CLK4: variants seen among roughly 807,000 people sequenced by gnomAD.
CLK4 encodes the protein CDC like kinase 4, also known as dual specificity protein kinase CLK4.
CLK4 carries 37 observed loss-of-function variants against 64.4 expected under a neutral mutation model. That is an observed-to-expected ratio of 0.57 (90% CI 0.44 to 0.76). CLK4 has a LOEUF of 0.76. CLK4 is among the 30% of genes least tolerant of loss of function. The pLI is 0.00. For synonymous variants in CLK4, 175 were observed against 191.6 expected (o/e 0.91, Z 0.72); for missense variants, 457 against 605.1 (o/e 0.76, Z 2.57).
intron 9 of CLK4, among the ~76,000 whole-genome samples, chr5:178,610,117 C>T (rs370978051): frequency 6.6e-6 from 1 of 151,212 alleles, no homozygotes; most frequent in East Asian, 2.0e-4. Context: ...GGTGAAACCC[C>T]ATCTCTACTA....
At chr5:178,608,318 TA>T in intron 10 of CLK4, 57 bp downstream of exon 10, 1 of 1,243,950 alleles carries the variant, frequency 8.0e-7, no homozygotes, top group Non-Finnish European at 1.1e-6. Flanking sequence ...AACTTTAGCA[TA>T]CCTTTAACGT....
At position 178,603,080 on chromosome 5, in the gene CLK4, T is replaced by A. The variant is rs969056029; in HGVS notation, c.*537A>T. ...TGAATGTCTGGTTATCACCCTGACA[T>A]CACCCAATGAAAAAGAATACAACAC... On this transcript the variant is annotated 3_prime_UTR_variant, in exon 13 of 13. Coordinates refer to ENST00000316308, the MANE Select transcript of CLK4 (RefSeq NM_020666.3). 1 of 152,562 alleles carries A rather than the reference T, an allele frequency of 6.6e-6. No individual in the cohort carries two copies. Among genetic ancestry groups the A allele is most frequent in the Non-Finnish European group, 1.5e-5 (1 of 68,032 alleles). 9.5% of individuals were successfully genotyped at this position (152,562 alleles called of 1,614,324 possible). A position where few individuals can be genotyped will look rare whatever the true frequency, so the allele number is the denominator to read the frequency against.
intron 5 of CLK4, among the ~76,000 whole-genome samples, chr5:178,614,143 G>C (rs1764595026): frequency 6.6e-6 from 1 of 152,144 alleles, no homozygotes; most frequent in African/African-American, 2.4e-5. Context: ...ACCAAAAATA[G>C]GATATGCTAC....
chr5:178,625,497 A>G (rs1048780233), intron 1 of CLK4, among the ~76,000 whole-genome samples: 1 of 152,052 alleles, frequency 6.6e-6, no homozygotes, highest in African/African-American at 2.4e-5. Flanking sequence ...TCAAATACCA[A>G]AGTTGTATTT....
At chr5:178,607,801 C>T (rs538857628) in intron 10 of CLK4, among the ~76,000 whole-genome samples, 6 of 151,618 alleles carry the variant, frequency 4.0e-5, no homozygotes, top group African/African-American at 9.7e-5. Flanking sequence ...TGAGCTACCC[C>T]GCCTGGCCCT....
intron 9 of CLK4, among the ~76,000 whole-genome samples, chr5:178,609,555 C>T (rs373032549): frequency 1.4e-4 from 21 of 151,992 alleles, no homozygotes; most frequent in Non-Finnish European, 2.4e-4. Context: ...TGGTGGCAGA[C>T]GCCTGTAATC....
intron 2 of CLK4, chr5:178,619,668 G>C (rs1369534803): frequency 1.6e-6 from 1 of 630,356 alleles, no homozygotes; most frequent in Non-Finnish European, 2.3e-6. Context: ...TTGAAAATCT[G>C]CTGAAAGCCA....
intron 12 of CLK4, 23 bp downstream of exon 12, chr5:178,603,821 A>T: frequency 6.3e-7 from 1 of 1,591,298 alleles, no homozygotes; most frequent in Non-Finnish European, 8.5e-7. Context: ...GGTTTATTTA[A>T]CCTTTAATCT....
At chr5:178,604,480 C>G (rs1764437881) in intron 11 of CLK4, 1 of 151,044 alleles carries the variant, frequency 6.6e-6, no homozygotes. Flanking sequence ...AACCCAAAAG[C>G]CATTTTGTTT....
rs187657848 is a variant in CLK4 at position 178,606,912 on chromosome 5, G to A, written c.1134+1464C>T. On this transcript the variant is annotated intron_variant, in intron 10 of 12. Coordinates refer to ENST00000316308, the MANE Select transcript of CLK4 (RefSeq NM_020666.3). ...GAGGCAGAGGTTGCAGTGAGCTGAC[G>A]TTGCGCCACTGCACTCCAGCCTGGG... 1.5e-4 allele frequency among the ~76,000 whole-genome samples: 22 copies of A among 150,876 alleles called. 1 individual carries two copies. Among genetic ancestry groups the A allele is most frequent in the Admixed American group, 1.3e-3 (19 of 15,128 alleles).
chr5:178,605,129 CA>C (rs10644053), intron 11 of CLK4, 173 bp downstream of exon 11: 15,105 of 197,662 alleles, frequency 0.076, no homozygotes, highest in Middle Eastern at 0.1. Context: ...GACTCCATCT[CA>C]AAAAAAAAAA....
At chr5:178,620,771 C>A in intron 2 of CLK4, 1 of 276,362 alleles carries the variant, frequency 3.6e-6, no homozygotes, top group Non-Finnish European at 7.5e-6. Flanking sequence ...CAAAATCCAA[C>A]AATGTAGGAA....
At chr5:178,622,461 T>C (rs1446991900) in intron 2 of CLK4, 3 of 984,996 alleles carry the variant, frequency 3.0e-6, no homozygotes, top group Admixed American at 6.1e-5. Flanking sequence ...ATGGAACATC[T>C]GCACAAAACG....
rs139041492 is a variant in CLK4, at chr5:178,621,487, A to C, written c.161+1769T>G. Reference sequence around the variant, plus strand: ...AATATATATATGACAAATGGTTAAAATATTGTAATAAAAAGCTCTTCTAAA... The same window carrying C: ...AATATATATATGACAAATGGTTAAACTATTGTAATAAAAAGCTCTTCTAAA... On this transcript the variant is annotated intron_variant, in intron 2 of 12. Coordinates refer to ENST00000316308, the MANE Select transcript of CLK4 (RefSeq NM_020666.3). Among the ~76,000 whole-genome samples the C allele has an allele frequency of 3.3e-5, 5 of 152,366 alleles. No individual in the cohort carries two copies. In the East Asian group the frequency reaches 7.7e-4, roughly 23 times the overall value.
chr5:178,611,468 C>A (rs1354789040), intron 9 of CLK4, among the ~76,000 whole-genome samples: 1 of 152,156 alleles, frequency 6.6e-6, no homozygotes, highest in Non-Finnish European at 1.5e-5. Flanking sequence ...CACACTGGCC[C>A]CACTACAAGG....
intron 10 of CLK4, among the ~76,000 whole-genome samples, chr5:178,607,842 A>G (rs1764490320): frequency 6.6e-6 from 1 of 152,036 alleles, no homozygotes; most frequent in Non-Finnish European, 1.5e-5. Flanking sequence ...TTGTTCCATC[A>G]CAGCAAATGC....
chr5:178,613,607 T>C lies in CLK4; in HGVS notation c.692A>G (p.His231Arg). 6.2e-7 allele frequency: 1 copy of C among 1,609,608 alleles called. No homozygotes were observed. Among genetic ancestry groups the C allele is most frequent in the Non-Finnish European group, 8.5e-7 (1 of 1,178,780 alleles). The change falls in exon 7 of 13, where the codon CAT becomes CGT. Residue 231 changes from histidine to arginine, a missense_variant. Transcript: ENST00000316308. ...AAACACAATACAAACATGACCATGA[T>C]GATCAAACCATTCTAGCATCTGGAC... is the stretch of plus-strand genomic sequence containing the variant. ...RCVQMLEWFD[H>R]HGHVCIVFEL...
intron 3 of CLK4, chr5:178,618,234 G>C (rs1400242542): frequency 2.0e-5 from 3 of 152,382 alleles, no homozygotes; most frequent in Non-Finnish European, 4.4e-5. Flanking sequence ...TGCTTAAGAT[G>C]AAAGAAAAGA....
chr5:178,617,215 G>T lies in CLK4; in HGVS notation c.475+129C>A. 1 of 721,434 alleles carries T rather than the reference G, an allele frequency of 1.4e-6. No individual in the cohort carries two copies. The highest frequency in any genetic ancestry group is 2.3e-6 in the Non-Finnish European group (1 of 427,680). The allele number at this position is 721,434 out of a possible 1,614,324, so 44.7% of individuals were successfully genotyped here. A position where few individuals can be genotyped will look rare whatever the true frequency, so the allele number is the denominator to read the frequency against. On this transcript the variant is annotated intron_variant, in intron 4 of 12. Transcript: ENST00000316308. This position sits in a 1 kb window ranked among gnomAD's most constrained non-coding sequence, Gnocchi z 5.2. ...TCTACAGAAAAGAAGAAATATAAAA[G>T]AACAAACAAACCCACAAAAAGCAAA...
Sources: allele counts gnomAD v4.1 joint callset (sites outside exome capture counted in the v4.1 genomes callset), GRCh38; gene constraint gnomAD v4.1.1; non-coding constraint Gnocchi (gnomAD v3.1); transcripts MANE v1.5; gene names NCBI Gene and HGNC (gene_info 2026-07-23, HGNC 2026-07-21).